The following SPTBN1 variants were observed in gnomAD, a reference collection of about 807,000 sequenced individuals.
SPTBN1 encodes the protein spectrin beta chain, non-erythrocytic 1.
A neutral mutation model predicts 266.4 loss-of-function variants in SPTBN1; 32 were observed. The ratio of observed to expected loss-of-function variants is 0.12; its 90% CI spans 0.09 to 0.16. The LOEUF (loss-of-function observed/expected upper bound fraction) is 0.16, where lower values mean the gene tolerates loss of function less well. Ranked by LOEUF, SPTBN1 falls within the 10% of genes least tolerant of loss-of-function variation. The probability of loss-of-function intolerance (pLI) is 1.00; values close to 1 mark genes in which losing one functional copy is unlikely to be tolerated. For missense variants in SPTBN1, 2,296 were observed against 3,067.1 expected (o/e 0.75, Z 5.94); for synonymous variants, 1,336 against 1,162.2 (o/e 1.15, Z -3.04).
At chr2:54,513,397 T>C (rs186531076) in intron 1 of SPTBN1, among the ~76,000 whole-genome samples, 4 of 152,286 alleles carry the variant, frequency 2.6e-5, no homozygotes, top group Admixed American at 2.0e-4. Context: ...ATTTTGGCAT[T>C]GGGTTGCTCT....
chr2:54,646,460 A>C lies in SPTBN1; in HGVS notation c.4851A>C (p.Ser1617=), dbSNP rs780989473. Residue 1617 remains serine, a synonymous_variant, in exon 23 of 36, where the codon TCA becomes TCC. Transcript: ENST00000356805. The surrounding 1 kb of genome is among the most constrained non-coding windows in gnomAD (Gnocchi z 4.4). ...WMSEQELYMM[S]EEKAKDEQSA... is the part of the protein sequence containing the mutation. The stretch of plus-strand genomic sequence containing the variant: ...GCGAGCAGGAGCTGTACATGATGTC[A>C]GAGGAGAAGGCCAAGGTGAGAGGAG... The C allele has an allele frequency of 2.0e-6, 3 of 1,536,722 alleles. No homozygotes were observed. Among genetic ancestry groups the C allele is most frequent in the Non-Finnish European group, 2.6e-6 (3 of 1,141,798 alleles).
Position 54,540,879 on chromosome 2 carries a change from C to T in SPTBN1, c.148+14313C>T, listed in dbSNP as rs1265305282. 2.0e-5 allele frequency among the ~76,000 whole-genome samples: 3 copies of T among 152,174 alleles called. No homozygotes were observed. The highest frequency in any genetic ancestry group is 2.1e-4 in the South Asian group (1 of 4,836). ...AATGTTAAAATTGTAGTAGTTTATA[C>T]GTAGATTACCTCTATTTTGCTGCAA... is the stretch of plus-strand genomic sequence containing the variant. On this transcript the variant is annotated intron_variant, in intron 2 of 35. Transcript: ENST00000356805. The surrounding 1 kb of genome is among the most constrained non-coding windows in gnomAD (Gnocchi z 5.6).
intron 34 of SPTBN1, 32 bp downstream of exon 34, chr2:54,666,120 G>C (rs748677706): frequency 2.5e-6 from 4 of 1,588,136 alleles, no homozygotes; most frequent in African/African-American, 1.4e-5. Context: ...GGCTGCCAGA[G>C]TGGGTTTGCA....
chr2:54,460,756 T>G (rs560974956), intron 1 of SPTBN1, among the ~76,000 whole-genome samples: 10 of 152,310 alleles, frequency 6.6e-5, no homozygotes, highest in African/African-American at 2.4e-4. Context: ...TCCCAGCACT[T>G]TGGGATGCCG....
chr2:54,522,227 A>C (rs1670485661), intron 1 of SPTBN1, among the ~76,000 whole-genome samples: 1 of 152,176 alleles, frequency 6.6e-6, no homozygotes, highest in Non-Finnish European at 1.5e-5. Context: ...AAGGAACAAT[A>C]GTAGTGTTTT....
intron 1 of SPTBN1, among the ~76,000 whole-genome samples, chr2:54,496,694 G>A (rs1668988725): frequency 6.6e-6 from 1 of 152,164 alleles, no homozygotes; most frequent in African/African-American, 2.4e-5. Flanking sequence ...AAGCAGACTT[G>A]CAAATGATAA....
In SPTBN1 at chr2:54,626,030, T is replaced by C. The variant is rs2103898589; in HGVS notation, c.1440T>C (p.Ala480=). Reference sequence around the variant, plus strand: ...CCGCATACGAGGAGCGTGTGCAGGCTGTGGTAGCCGTGGCCAGGGAGCTCG... The same window carrying C: ...CCGCATACGAGGAGCGTGTGCAGGCCGTGGTAGCCGTGGCCAGGGAGCTCG... ...DIAAYEERVQ[A]VVAVARELEA... The change falls in exon 12 of 36, where the codon GCT becomes GCC. Residue 480 remains alanine (A), a synonymous_variant. Transcript: ENST00000356805. The surrounding 1 kb of genome is among the most constrained non-coding windows in gnomAD (Gnocchi z 4.7). The C allele has an allele frequency of 6.2e-7, 1 of 1,614,160 alleles. No individual in the cohort carries two copies. The highest frequency in any genetic ancestry group is 8.5e-7 in the Non-Finnish European group (1 of 1,180,034).
intron 3 of SPTBN1, among the ~76,000 whole-genome samples, chr2:54,603,171 G>A (rs1676609788): frequency 6.6e-6 from 1 of 152,136 alleles, no homozygotes; most frequent in African/African-American, 2.4e-5. Context: ...AGGAGGGTAG[G>A]GTGTGGGTAG....
intron 2 of SPTBN1, among the ~76,000 whole-genome samples, chr2:54,585,818 C>T (rs1434604659): frequency 6.6e-6 from 1 of 152,150 alleles, no homozygotes; most frequent in Non-Finnish European, 1.5e-5. Context: ...GACAGGCGAC[C>T]TTTATGGCTG....
At chr2:54,523,674 A>G (rs1670624315) in intron 1 of SPTBN1, among the ~76,000 whole-genome samples, 1 of 152,190 alleles carries the variant, frequency 6.6e-6, no homozygotes, top group African/African-American at 2.4e-5. Flanking sequence ...TTTCTTTTCT[A>G]CATATATGGG....
chr2:54,607,777 T>C (rs1010465968), intron 3 of SPTBN1, among the ~76,000 whole-genome samples: 1 of 152,226 alleles, frequency 6.6e-6, no homozygotes, highest in African/African-American at 2.4e-5. Flanking sequence ...GGGACAAATA[T>C]ATTTGAAAAT....
At chr2:54,499,487 G>A (rs946282840) in intron 1 of SPTBN1, among the ~76,000 whole-genome samples, 9 of 152,212 alleles carry the variant, frequency 5.9e-5, no homozygotes, top group East Asian at 1.9e-4. Context: ...GGTTGTTTGC[G>A]TGTTGATTTG....
Position 54,668,698 on chromosome 2 carries a change from T to A in SPTBN1, c.*129T>A. The A allele has an allele frequency of 1.2e-6, 1 of 806,736 alleles. No homozygotes were observed. Among genetic ancestry groups the A allele is most frequent in the Non-Finnish European group, 1.8e-6 (1 of 551,994 alleles). The allele number at this position is 806,736 out of a possible 1,614,324, so 50.0% of individuals were successfully genotyped here. A position where few individuals can be genotyped will look rare whatever the true frequency, so the allele number is the denominator to read the frequency against. On this transcript the variant is annotated 3_prime_UTR_variant, in exon 36 of 36. Transcript: ENST00000356805. ...GTGGTTGATTTTTTTTTTTTTTTAATTTATAGAGCATTTCGGGGGGGGTGG... is the reference window on the plus strand; with the variant it reads ...GTGGTTGATTTTTTTTTTTTTTTAAATTATAGAGCATTTCGGGGGGGGTGG...
chr2:54,633,031 TG>T (rs66586648), intron 17 of SPTBN1, among the ~76,000 whole-genome samples: 8,048 of 152,240 alleles, frequency 0.053, 294 homozygotes, highest in Non-Finnish European at 0.084. Flanking sequence ...ACCGAGGACC[TG>T]TAAGAGCCGT....
intron 1 of SPTBN1, among the ~76,000 whole-genome samples, chr2:54,479,304 A>G (rs1239372870): frequency 1.3e-5 from 2 of 152,236 alleles, no homozygotes; most frequent in Admixed American, 6.5e-5. Flanking sequence ...GTAACCATGT[A>G]AGAAATCTAA....
intron 30 of SPTBN1, 25 bp from the exon 31 acceptor site, chr2:54,659,129 C>T (rs1248369420): frequency 6.2e-7 from 1 of 1,612,194 alleles, no homozygotes; most frequent in African/African-American, 1.3e-5. Context: ...GGGACTCTAC[C>T]AAACATCACT....
chr2:54,630,038 G>A lies in SPTBN1; in HGVS notation c.2807+9G>A, dbSNP rs752618626. On this transcript the variant is annotated intron_variant, in intron 15 of 35. Coordinates refer to ENST00000356805, the MANE Select transcript of SPTBN1 (RefSeq NM_003128.3). ...GACAAACTCAACACAAGGTGAGCAC[G>A]TGGCCAGCAGTGTGCCAGCCTCCCA... The A allele has an allele frequency of 8.1e-6, 13 of 1,611,804 alleles. No homozygotes were observed. The highest frequency in any genetic ancestry group is 2.2e-5 in the East Asian group (1 of 44,750).
Position 54,617,776 on chromosome 2 carries a change from T to G in SPTBN1, c.647+88T>G, listed in dbSNP as rs568467123. The G allele has an allele frequency of 8.4e-5, 107 of 1,277,442 alleles. 2 individuals are homozygous for G. In the Admixed American group the frequency reaches 2.0e-3, roughly 24 times the overall value. 79.1% of individuals were successfully genotyped at this position (1,277,442 alleles called of 1,614,324 possible). A position where few individuals can be genotyped will look rare whatever the true frequency, so the allele number is the denominator to read the frequency against. The stretch of plus-strand genomic sequence containing the variant: ...ATTTGGGTGACTTTTCCATATCCGT[T>G]GGCTTAACTGTCTCACCGTGGTGGA... On this transcript the variant is annotated intron_variant, in intron 6 of 35. Transcript: ENST00000356805.
intron 26 of SPTBN1, 72 bp downstream of exon 26, chr2:54,650,061 T>C (rs1372723389): frequency 6.6e-7 from 1 of 1,517,880 alleles, no homozygotes; most frequent in African/African-American, 1.4e-5. Flanking sequence ...CATCTGTAAG[T>C]ATCTCCCTGT....
Sources: allele counts gnomAD v4.1 joint callset (sites outside exome capture counted in the v4.1 genomes callset), GRCh38; gene constraint gnomAD v4.1.1; non-coding constraint Gnocchi (gnomAD v3.1); transcripts MANE v1.5; gene names NCBI Gene and HGNC (gene_info 2026-07-23, HGNC 2026-07-21).